Variants in TLN2 observed in about 807,000 individuals in gnomAD.
TLN2 encodes the protein talin 2.
Under a neutral mutation model 294.7 loss-of-function variants are expected in TLN2, and 118 were observed. The ratio of observed to expected loss-of-function variants is 0.40; its 90% CI spans 0.34 to 0.47. The LOEUF is 0.47. Among genes scored for constraint, TLN2 ranks in the 20% least tolerant of loss-of-function variants. The pLI, the probability that TLN2 is intolerant of heterozygous loss-of-function variation, is 0.84. For synonymous variants in TLN2, 1,431 were observed against 1,304.5 expected, an observed-to-expected ratio of 1.10 and a Z score of -2.09; for missense variants, 3,083 against 3,282.2, an observed-to-expected ratio of 0.94 and a Z score of 1.48.
intron 1 of TLN2, among the ~76,000 whole-genome samples, chr15:62,443,598 G>A (rs2035663160): frequency 6.6e-6 from 1 of 152,212 alleles, no homozygotes; most frequent in African/African-American, 2.4e-5. Flanking sequence ...GATTAAAGGA[G>A]CATTGGAAAG....
chr15:62,644,853 A>G (rs1340398008), intron 3 of TLN2: 2 of 300,954 alleles, frequency 6.6e-6, no homozygotes, highest in African/African-American at 4.4e-5. Context: ...TAGGGGGACC[A>G]TTCATTTGCC....
chr15:62,688,056 G>C (rs2141047237), intron 12 of TLN2: 1 of 152,304 alleles, frequency 6.6e-6, no homozygotes, highest in South Asian at 2.1e-4. Context: ...GGAATGGGTA[G>C]GACAGGGAAC....
intron 44 of TLN2, among the ~76,000 whole-genome samples, chr15:62,782,793 A>G (rs938142475): frequency 2.6e-5 from 4 of 152,178 alleles, no homozygotes; most frequent in South Asian, 2.1e-4. Context: ...GCCTTGATGG[A>G]TGGAGAGTCA....
chr15:62,547,563 G>GTGA (rs1294365529), intron 1 of TLN2, among the ~76,000 whole-genome samples: 2 of 152,190 alleles, frequency 1.3e-5, no homozygotes, highest in East Asian at 3.8e-4. Context: ...GGAGCTACAG[G>GTGA]TATGAAAGGG....
In TLN2 at chr15:62,805,798, G is replaced by A; in HGVS notation, c.6663+13G>A. 1.2e-6 allele frequency: 2 copies of A among 1,610,074 alleles called. No individual in the cohort carries two copies. The highest frequency in any genetic ancestry group is 1.7e-5 in the Admixed American group (1 of 59,842). On this transcript the variant is annotated intron_variant, in intron 51 of 58. Transcript: ENST00000636159. ...GACGGCTTGCAAGGTAAAGAGCTTG[G>A]CATGGTTTTGGATGGACAGATGATT... is the stretch of plus-strand genomic sequence containing the variant.
chr15:62,796,252 G>A lies in TLN2; in HGVS notation c.6009G>A (p.Gly2003=). ...CCACCATTATGTTTGCAACAGCGGG[G>A]ACGCTGAATGCAGAGAACAGTGAGA... ...LDTTIMFATA[G]TLNAENSETF... Residue 2003 remains glycine (G), a synonymous_variant, in exon 47 of 59, where the codon GGG becomes GGA. Transcript: ENST00000636159. 1.9e-6 allele frequency: 3 copies of A among 1,614,222 alleles called. No individual in the cohort carries two copies. The highest frequency in any genetic ancestry group is 2.5e-6 in the Non-Finnish European group (3 of 1,180,046).
At chr15:62,785,140 A>G (rs190199785) in intron 45 of TLN2, among the ~76,000 whole-genome samples, 2 of 152,364 alleles carry the variant, frequency 1.3e-5, no homozygotes, top group East Asian at 1.9e-4. Flanking sequence ...TGTAGCATGA[A>G]TAATTCTATT....
At chr15:62,484,007 C>A (rs2038246702) in intron 1 of TLN2, among the ~76,000 whole-genome samples, 1 of 152,178 alleles carries the variant, frequency 6.6e-6, no homozygotes, top group South Asian at 2.1e-4. Context: ...CCTTGTGCAG[C>A]AGCTGAATTC....
intron 11 of TLN2, among the ~76,000 whole-genome samples, chr15:62,683,339 G>A (rs12900659): frequency 0.83 from 125,958 of 152,174 alleles, 53,653 homozygotes; most frequent in East Asian, 0.95. Context: ...GGCTGCCAGG[G>A]CTGAACCCGT....
intron 1 of TLN2, among the ~76,000 whole-genome samples, chr15:62,482,594 C>T (rs1417305816): frequency 1.9e-5 from 2 of 103,752 alleles, no homozygotes; most frequent in South Asian, 3.1e-4. Flanking sequence ...AAGAGTAAAA[C>T]GTTGTCTCAA....
chr15:62,556,297 T>TC (rs1158729054), intron 1 of TLN2, among the ~76,000 whole-genome samples: 1 of 151,868 alleles, frequency 6.6e-6, no homozygotes, highest in Non-Finnish European at 1.5e-5. Context: ...TTCTTTTTTT[T>TC]CTCTTCTCTT....
In TLN2 at chr15:62,444,646, A is replaced by G. The variant is rs140288840; in HGVS notation, c.-238+53961A>G. 4.9e-3 allele frequency among the ~76,000 whole-genome samples: 740 copies of G among 152,368 alleles called. 7 individuals are homozygous for G. Among genetic ancestry groups the G allele is most frequent in the African/African-American group, 0.016 (675 of 41,590 alleles). ...GTCCTGACTCACTCTTGTGTCATGA[A>G]CAATGGTGAGGCGTGTTGGAGTCAT... On this transcript the variant is annotated intron_variant, in intron 1 of 58. Transcript: ENST00000636159.
intron 1 of TLN2, among the ~76,000 whole-genome samples, chr15:62,401,773 C>T (rs538221295): frequency 3.0e-4 from 46 of 152,318 alleles, no homozygotes; most frequent in Non-Finnish European, 8.8e-5. Flanking sequence ...ACCCAATTCT[C>T]AACCTCTTAG....
At chr15:62,510,008 A>G (rs1019011917) in intron 1 of TLN2, among the ~76,000 whole-genome samples, 10 of 152,252 alleles carry the variant, frequency 6.6e-5, no homozygotes, top group African/African-American at 2.4e-4. Flanking sequence ...ATGTGAAAAA[A>G]AAATGTTTTT....
intron 22 of TLN2, among the ~76,000 whole-genome samples, chr15:62,712,604 A>G (rs1042170723): frequency 1.3e-5 from 2 of 152,198 alleles, no homozygotes; most frequent in African/African-American, 4.8e-5. Flanking sequence ...CATAATGCTT[A>G]CAAAACCTAG....
intron 39 of TLN2, chr15:62,763,349 C>T (rs2141025917): frequency 4.1e-6 from 2 of 482,008 alleles, no homozygotes; most frequent in South Asian, 4.7e-5. Context: ...ATATTCTTTC[C>T]ACCAGAAATA....
chr15:62,705,128 GT>G (rs1407169073), intron 19 of TLN2, among the ~76,000 whole-genome samples: 1 of 152,172 alleles, frequency 6.6e-6, no homozygotes, highest in East Asian at 1.9e-4. Context: ...CCTAATGTTT[GT>G]TTCTATTCAG....
intron 1 of TLN2, among the ~76,000 whole-genome samples, chr15:62,406,301 A>G (rs2033401189): frequency 2.0e-5 from 3 of 152,224 alleles, no homozygotes; most frequent in Non-Finnish European, 2.9e-5. Flanking sequence ...CCGTCTCTTC[A>G]TTGTTGTCCC....
intron 3 of TLN2, among the ~76,000 whole-genome samples, chr15:62,644,127 C>T (rs368873844): frequency 3.9e-5 from 6 of 152,006 alleles, no homozygotes; most frequent in African/African-American, 1.4e-4. Context: ...TCTCCTGAAC[C>T]TGCTACTCCA....
Sources: gnomAD v4.1 joint callset for allele counts (sites outside exome capture counted in the v4.1 genomes callset) on GRCh38, gnomAD v4.1.1 for gene constraint, MANE v1.5 for transcripts, NCBI Gene and HGNC (gene_info 2026-07-23, HGNC 2026-07-21) for gene names.